SLC2A5: variants seen among roughly 807,000 people sequenced by gnomAD.
SLC2A5 encodes solute carrier family 2, facilitated glucose transporter member 5.
Under a neutral mutation model 50.3 loss-of-function variants are expected in SLC2A5, and 56 were observed. That is an observed-to-expected ratio of 1.11 (90% CI 0.90 to 1.39). SLC2A5 has a LOEUF of 1.39. Among genes scored for constraint, SLC2A5 ranks in the 40% most tolerant of loss-of-function variants. The pLI is 0.00. For synonymous variants in SLC2A5, 269 were observed against 281.9 expected (o/e 0.95, Z 0.46); for missense variants, 566 against 650.1 (o/e 0.87, Z 1.41).
intron 3 of SLC2A5, chr1:9,049,336 A>C: frequency 2.6e-6 from 1 of 381,654 alleles, no homozygotes; most frequent in Non-Finnish European, 5.3e-6. Flanking sequence ...AAAATAAGGA[A>C]TCCAAATAGT....
At position 9,037,417 on chromosome 1, in the gene SLC2A5, A is replaced by C; in HGVS notation, c.*169T>G. ...AGACAGCCCAGCTTCAAGAACAGCA[A>C]GGCAGCCCTTTGCACAGTTCCCACT... On this transcript the variant is annotated 3_prime_UTR_variant, in exon 12 of 12. Coordinates refer to ENST00000377424, the MANE Select transcript of SLC2A5 (RefSeq NM_003039.3). 1 of 617,426 alleles carries C rather than the reference A, an allele frequency of 1.6e-6. No homozygotes were observed. Among genetic ancestry groups the C allele is most frequent in the Non-Finnish European group, 2.8e-6 (1 of 351,250 alleles). The allele number at this position is 617,426 out of a possible 1,614,324, so 38.2% of individuals were successfully genotyped here.
chr1:9,040,359 C>A lies in SLC2A5; in HGVS notation c.572-170G>T. The A allele has an allele frequency of 1.3e-6, 1 of 780,548 alleles. No individual in the cohort carries two copies. Among genetic ancestry groups the A allele is most frequent in the African/African-American group, 1.8e-5 (1 of 57,028 alleles). 48.4% of individuals were successfully genotyped at this position (780,548 alleles called of 1,614,324 possible). On this transcript the variant is annotated intron_variant, in intron 5 of 11. Coordinates refer to ENST00000377424, the MANE Select transcript of SLC2A5 (RefSeq NM_003039.3). This position sits in a 1 kb window ranked among gnomAD's most constrained non-coding sequence, Gnocchi z 4.3. The stretch of plus-strand genomic sequence containing the variant: ...CCCGACGGTGGACACTCGGGAAACA[C>A]CTGCAGCAGGGATCAGCAGCGACGC...
intron 2 of SLC2A5, chr1:9,082,548 TA>T (rs879368312): frequency 1.7e-4 from 25 of 149,116 alleles, no homozygotes; most frequent in South Asian, 1.5e-3. Flanking sequence ...ACCCTGTCTC[TA>T]AAAAAAAAAC....
chr1:9,047,788 A>C, intron 3 of SLC2A5, 54 bp from the exon 4 acceptor site: 1 of 1,590,838 alleles, frequency 6.3e-7, no homozygotes, highest in Non-Finnish European at 8.6e-7. Flanking sequence ...TCTTTCATTC[A>C]AGAAATGTTT....
Position 9,045,794 on chromosome 1 carries a change from C to T in SLC2A5, c.418+1816G>A, listed in dbSNP as rs1274463989. On this transcript the variant is annotated intron_variant, in intron 4 of 11. Coordinates refer to ENST00000377424, the MANE Select transcript of SLC2A5 (RefSeq NM_003039.3). ...CTGAGGTAGGAGAATCAGTTGAACCCGGGAGGCAGAGGTTGCAGTGAGCCA... is the reference window on the plus strand; with the variant it reads ...CTGAGGTAGGAGAATCAGTTGAACCTGGGAGGCAGAGGTTGCAGTGAGCCA... Among the ~76,000 whole-genome samples the T allele has an allele frequency of 1.3e-4, 19 of 148,400 alleles. No homozygotes were observed. In the South Asian group the frequency reaches 1.7e-3, roughly 13 times the overall value.
chr1:9,080,329 G>C lies in SLC2A5; in HGVS notation c.-59+4685C>G, dbSNP rs183529556. Among the ~76,000 whole-genome samples the C allele has an allele frequency of 1.7e-4, 26 of 152,334 alleles. No homozygotes were observed. The East Asian group carries it at 3.9e-3, about 23-fold the overall frequency. The stretch of plus-strand genomic sequence containing the variant: ...TTCAATTATTTTGGATATATACCCA[G>C]AAGTGGGATCACTGGATCACATGAT... On this transcript the variant is annotated intron_variant, in intron 2 of 5. Coordinates refer to the SLC2A5 transcript ENST00000464985.
chr1:9,050,148 A>G (rs1641533670), intron 3 of SLC2A5, among the ~76,000 whole-genome samples: 1 of 152,028 alleles, frequency 6.6e-6, no homozygotes, highest in African/African-American at 2.4e-5. Flanking sequence ...ATGGTGGCAC[A>G]CACTTCTAAT....
intron 2 of SLC2A5, among the ~76,000 whole-genome samples, chr1:9,077,085 C>T (rs1018963350): frequency 6.6e-6 from 1 of 150,774 alleles, no homozygotes; most frequent in Admixed American, 6.6e-5. Context: ...CCATGCCAAG[C>T]CTTACAAGTG....
chr1:9,085,745 G>GGGT (rs370122624), intron 1 of SLC2A5, among the ~76,000 whole-genome samples: 10 of 152,294 alleles, frequency 6.6e-5, no homozygotes, highest in African/African-American at 2.4e-4. Context: ...GGTTACACTG[G>GGGT]GGTGGCAGTG....
chr1:9,065,226 G>A (rs1353011759), intron 1 of SLC2A5, among the ~76,000 whole-genome samples: 2 of 152,028 alleles, frequency 1.3e-5, no homozygotes, highest in East Asian at 1.9e-4. Context: ...GTGTTTCCCA[G>A]GGCTACAGTC....
At chr1:9,039,376 G>A (rs1255390428) in intron 8 of SLC2A5, among the ~76,000 whole-genome samples, 176 bp downstream of exon 8, 2 of 152,174 alleles carry the variant, frequency 1.3e-5, no homozygotes, top group Non-Finnish European at 2.9e-5. Context: ...GGTGCGGCTC[G>A]GCAGCCCCAA....
chr1:9,058,163 A>G lies in SLC2A5; in HGVS notation c.121T>C (p.Ser41Pro). Reference protein sequence around the residue: ...QYGYNVAAVNSPALLMQQFYN... With the variant: ...QYGYNVAAVNPPALLMQQFYN... ...CCACAGTGACCTACCAGTGCTGGGG[A>G]GTTGACAGCAGCCACGTTGTACCCA... The change falls in exon 2 of 12, where the codon TCC becomes CCC. Residue 41 changes from serine (S) to proline (P), a missense_variant. Coordinates refer to ENST00000377424, the MANE Select transcript of SLC2A5 (RefSeq NM_003039.3). 3.1e-6 allele frequency: 5 copies of G among 1,612,742 alleles called. No homozygotes were observed. Among genetic ancestry groups the G allele is most frequent in the Non-Finnish European group, 4.2e-6 (5 of 1,178,750 alleles).
At chr1:9,080,497 C>T (rs887186948) in intron 2 of SLC2A5, among the ~76,000 whole-genome samples, 2 of 152,162 alleles carry the variant, frequency 1.3e-5, no homozygotes, top group Admixed American at 1.3e-4. Flanking sequence ...GCTGTGGTTG[C>T]TGTTATCGTT....
rs1641160735 is a variant in SLC2A5, at chr1:9,037,465, G to A, written c.*121C>T. On this transcript the variant is annotated 3_prime_UTR_variant, in exon 12 of 12. Coordinates refer to ENST00000377424, the MANE Select transcript of SLC2A5 (RefSeq NM_003039.3). The stretch of plus-strand genomic sequence containing the variant: ...ACTGGGGTGGGGAGGCTGGAGATGA[G>A]GACTGCATTCCACATCAGAGTTGTT... 3 of 822,082 alleles carry A rather than the reference G, an allele frequency of 3.6e-6. No individual in the cohort carries two copies. The highest frequency in any genetic ancestry group is 4.0e-6 in the Non-Finnish European group (2 of 498,482). The allele number at this position is 822,082 out of a possible 1,614,324, so 50.9% of individuals were successfully genotyped here.
chr1:9,064,767 G>C (rs1642036796), intron 1 of SLC2A5, among the ~76,000 whole-genome samples: 1 of 151,982 alleles, frequency 6.6e-6, no homozygotes, highest in Non-Finnish European at 1.5e-5. Flanking sequence ...AGTCAACAAT[G>C]TAGGCCAGGC....
In SLC2A5 at chr1:9,040,075, G is replaced by A. The variant is rs1641259286; in HGVS notation, c.686C>T (p.Ala229Val). ...YLLIQKKDEA[A>V]AKKALQTLRG... ...AGAGCCCTCGTTACCTTTCTTGGCG[G>A]CCGCTTCGTCTTTCTTCTGAATCAG... Residue 229 changes from alanine (A) to valine (V), a missense_variant, in exon 6 of 12, where the codon GCC (alanine) becomes GTC (valine). By Grantham distance (64) the Ala-to-Val change is moderately conservative. Coordinates refer to ENST00000377424, the MANE Select transcript of SLC2A5 (RefSeq NM_003039.3). This position sits in a 1 kb window ranked among gnomAD's most constrained non-coding sequence, Gnocchi z 4.3. 1.3e-6 allele frequency: 2 copies of A among 1,587,496 alleles called. No homozygotes were observed. Among genetic ancestry groups the A allele is most frequent in the African/African-American group, 1.3e-5 (1 of 74,128 alleles).
intron 5 of SLC2A5, chr1:9,041,517 G>T: frequency 7.4e-7 from 1 of 1,345,536 alleles, no homozygotes; most frequent in Non-Finnish European, 9.5e-7. Context: ...CAGCTGCTGA[G>T]CAGGCAGGGA....
chr1:9,043,611 A>C (rs983154054), intron 4 of SLC2A5, among the ~76,000 whole-genome samples: 2 of 152,018 alleles, frequency 1.3e-5, no homozygotes, highest in African/African-American at 4.8e-5. Context: ...GTTTGTGAAG[A>C]GATGGGGTTA....
chr1:9,042,431 G>A (rs965742597), intron 4 of SLC2A5, among the ~76,000 whole-genome samples: 14 of 150,910 alleles, frequency 9.3e-5, no homozygotes, highest in East Asian at 3.9e-4. Context: ...GTGTGCGCGC[G>A]CATGATATAT....
Sources: allele counts gnomAD v4.1 joint callset (sites outside exome capture counted in the v4.1 genomes callset), GRCh38; gene constraint gnomAD v4.1.1; non-coding constraint Gnocchi (gnomAD v3.1); transcripts MANE v1.5; gene names NCBI Gene and HGNC (gene_info 2026-07-23, HGNC 2026-07-21).